Variants in TENM3 observed in about 807,000 individuals in gnomAD.
TENM3 encodes the protein teneurin transmembrane protein 3, also known as teneurin-3.
A neutral mutation model predicts 255.1 loss-of-function variants in TENM3; 63 were observed. That is an observed-to-expected ratio of 0.25 (90% CI 0.20 to 0.30). The LOEUF is 0.30. Among genes scored for constraint, TENM3 ranks in the 10% least tolerant of loss-of-function variants. The pLI is 1.00. For missense variants in TENM3, 2,929 were observed against 3,461.1 expected (o/e 0.85, Z 3.86); for synonymous variants, 1,306 against 1,322.3 (o/e 0.99, Z 0.27).
At chr4:182,384,387 C>T (rs1188179220) in intron 3 of TENM3, among the ~76,000 whole-genome samples, 9 of 150,022 alleles carry the variant, frequency 6.0e-5, no homozygotes, top group African/African-American at 7.4e-5. Context: ...ACAGAGTAGA[C>T]GCAGGTAGGT....
the TENM3 span, among the ~76,000 whole-genome samples, chr4:181,610,178 T>G: frequency 6.6e-6 from 1 of 152,084 alleles, no homozygotes; most frequent in Admixed American, 6.6e-5. Context: ...TTAAATGGAG[T>G]CCCCTTTTTG....
At chr4:181,744,834 G>T in the TENM3 span, among the ~76,000 whole-genome samples, 3 of 152,314 alleles carry the variant, frequency 2.0e-5, no homozygotes, top group South Asian at 6.2e-4. Flanking sequence ...CAACTAGAAG[G>T]ATGGAGTTAT....
intron 1 of TENM3, among the ~76,000 whole-genome samples, chr4:182,299,013 A>AGTGGT: frequency 1.1e-5 from 1 of 94,292 alleles, no homozygotes; most frequent in African/African-American, 5.2e-5. Flanking sequence ...AAAAAAAAAA[A>AGTGGT]AAAGAGGTAA....
chr4:182,651,971 A>G (rs1045940126), intron 5 of TENM3, among the ~76,000 whole-genome samples: 5 of 152,212 alleles, frequency 3.3e-5, no homozygotes, highest in African/African-American at 9.6e-5. Context: ...CTTTTCAGAC[A>G]GCATTATAGT....
intron 3 of TENM3, among the ~76,000 whole-genome samples, chr4:182,391,860 C>CA (rs1464239346): frequency 6.6e-6 from 1 of 150,900 alleles, no homozygotes; most frequent in African/African-American, 2.4e-5. Context: ...TCTTCCTCTA[C>CA]AAAATGGGCA....
the TENM3 span, among the ~76,000 whole-genome samples, chr4:181,837,993 C>T: frequency 6.6e-6 from 1 of 152,028 alleles, no homozygotes; most frequent in Non-Finnish European, 1.5e-5. Context: ...CAAAAATTAC[C>T]TGGGCGTTGT....
At chr4:181,899,527 T>A in the TENM3 span, among the ~76,000 whole-genome samples, 1,062 of 152,098 alleles carry the variant, frequency 7.0e-3, 16 homozygotes, top group African/African-American at 0.024. Context: ...TTATTTGTTT[T>A]GTTGTTTTGT....
At chr4:182,118,454 T>C in the TENM3 span, among the ~76,000 whole-genome samples, 4 of 152,176 alleles carry the variant, frequency 2.6e-5, no homozygotes. Context: ...ATTTTTTATT[T>C]ATTTTTTTAG....
Position 182,379,431 on chromosome 4 carries a change from G to A in TENM3, c.511+32502G>A, listed in dbSNP as rs1258333046. Among the ~76,000 whole-genome samples the A allele has an allele frequency of 3.3e-5, 5 of 152,294 alleles. No individual in the cohort carries two copies. The East Asian group carries it at 7.7e-4, about 24-fold the overall frequency. ...CAGGGAAAAGGGACTGTTTTGAGGGGAAAGTGAGCAGTCCAAGTCCCCACA... is the reference window on the plus strand; with the variant it reads ...CAGGGAAAAGGGACTGTTTTGAGGGAAAAGTGAGCAGTCCAAGTCCCCACA... On this transcript the variant is annotated intron_variant, in intron 3 of 27. Transcript: ENST00000511685.
At chr4:181,543,302 C>A in the TENM3 span, among the ~76,000 whole-genome samples, 4 of 151,828 alleles carry the variant, frequency 2.6e-5, no homozygotes, top group East Asian at 7.7e-4. Context: ...AGGACTGGAG[C>A]TCTTAGAATA....
intron 1 of TENM3, among the ~76,000 whole-genome samples, chr4:182,254,868 G>C (rs1480769831): frequency 6.6e-6 from 1 of 152,072 alleles, no homozygotes. Context: ...ATAAGAGCTA[G>C]GCTGTTACAG....
At chr4:181,808,648 A>G in the TENM3 span, among the ~76,000 whole-genome samples, 1 of 152,204 alleles carries the variant, frequency 6.6e-6, no homozygotes, top group African/African-American at 2.4e-5. Flanking sequence ...CAATTCATAA[A>G]GAAATTGCAT....
At chr4:182,458,009 G>A (rs1352243882) in intron 3 of TENM3, among the ~76,000 whole-genome samples, 3 of 152,122 alleles carry the variant, frequency 2.0e-5, no homozygotes, top group Admixed American at 1.3e-4. Flanking sequence ...TTTCATAAAC[G>A]TTGTAACCAT....
At chr4:181,535,135 C>A in the TENM3 span, among the ~76,000 whole-genome samples, 1 of 152,122 alleles carries the variant, frequency 6.6e-6, no homozygotes, top group Non-Finnish European at 1.5e-5. Context: ...GTCACAGTCC[C>A]GGGATGTCCC....
At chr4:182,284,254 GT>G (rs1760587702) in intron 1 of TENM3, among the ~76,000 whole-genome samples, 1 of 152,122 alleles carries the variant, frequency 6.6e-6, no homozygotes, top group African/African-American at 2.4e-5. Context: ...CAGACTCCCA[GT>G]TTCCTTTCTA....
intron 1 of TENM3, among the ~76,000 whole-genome samples, chr4:182,298,842 G>T (rs368095012): frequency 2.6e-5 from 4 of 151,432 alleles, no homozygotes; most frequent in African/African-American, 9.7e-5. Context: ...GCGTGATGGC[G>T]CCCACCTGTA....
At chr4:182,755,393 C>A in intron 22 of TENM3, 134 bp downstream of exon 22, 1 of 906,734 alleles carries the variant, frequency 1.1e-6, no homozygotes, top group Non-Finnish European at 1.6e-6. Flanking sequence ...TTTTTGGATC[C>A]CGGCTGGGCA....
the TENM3 span, among the ~76,000 whole-genome samples, chr4:181,911,370 T>G: frequency 1.3e-5 from 2 of 152,168 alleles, no homozygotes; most frequent in Non-Finnish European, 2.9e-5. Context: ...GCTGTGTTGT[T>G]TTTTTCCCCC....
intron 1 of TENM3, among the ~76,000 whole-genome samples, chr4:182,162,804 C>T (rs1403297553): frequency 6.6e-6 from 1 of 152,168 alleles, no homozygotes; most frequent in Non-Finnish European, 1.5e-5. Context: ...TAGCTAGTCC[C>T]TCCTGCTCTT....
Sources: allele counts gnomAD v4.1 joint callset (sites outside exome capture counted in the v4.1 genomes callset), GRCh38; gene constraint gnomAD v4.1.1; transcripts MANE v1.5; gene names NCBI Gene and HGNC (gene_info 2026-07-23, HGNC 2026-07-21).